EPHB1: variants seen among roughly 807,000 people sequenced by gnomAD.
EPHB1 encodes EPH receptor B1.
A neutral mutation model predicts 94.4 loss-of-function variants in EPHB1; 30 were observed. That is an observed-to-expected ratio of 0.32 (90% confidence interval 0.24 to 0.43). EPHB1 has a LOEUF of 0.43. EPHB1 is among the 20% of genes least tolerant of loss of function. The pLI is 1.00. For synonymous variants in EPHB1, 522 were observed against 489.1 expected, an observed-to-expected ratio of 1.07 and a Z score of -0.89; for missense variants, 1,055 against 1,308.3, an observed-to-expected ratio of 0.81 and a Z score of 2.99.
At chr3:135,001,028 G>A (rs1365043358) in intron 3 of EPHB1, among the ~76,000 whole-genome samples, 1 of 152,128 alleles carries the variant, frequency 6.6e-6, no homozygotes, top group Non-Finnish European at 1.5e-5. Context: ...GGTCTGTTCA[G>A]CTGGCTCGGA....
chr3:134,987,943 AT>A (rs111855033), intron 3 of EPHB1, among the ~76,000 whole-genome samples: 7,620 of 152,010 alleles, frequency 0.05, 633 homozygotes, highest in African/African-American at 0.17. Context: ...CCAGACTGGT[AT>A]TTTTTTTAAT....
chr3:134,973,425 C>CTTTTTTTTT (rs10664147), intron 3 of EPHB1, among the ~76,000 whole-genome samples: 14 of 91,018 alleles, frequency 1.5e-4, no homozygotes, highest in Admixed American at 2.8e-4. Context: ...GTCTTCTAGT[C>CTTTTTTTTT]TTTTTTTTTT....
intron 12 of EPHB1, among the ~76,000 whole-genome samples, chr3:135,227,033 G>A (rs2107722526): frequency 6.6e-6 from 1 of 152,114 alleles, no homozygotes; most frequent in East Asian, 1.9e-4. Context: ...GGGGGACCAG[G>A]GAGACATGGA....
intron 10 of EPHB1, among the ~76,000 whole-genome samples, chr3:135,181,130 A>C (rs1942142062): frequency 6.6e-6 from 1 of 152,164 alleles, no homozygotes; most frequent in Non-Finnish European, 1.5e-5. Context: ...GCCATCTGTG[A>C]AATTGGAAGT....
chr3:134,901,676 G>A (rs374252322), intron 1 of EPHB1, among the ~76,000 whole-genome samples: 110 of 152,336 alleles, frequency 7.2e-4, no homozygotes, highest in African/African-American at 2.6e-3. Flanking sequence ...GAATGGTGGC[G>A]TTCAAGGCAA....
chr3:134,941,770 C>CAA (rs2039122797), intron 2 of EPHB1, among the ~76,000 whole-genome samples: 1 of 151,216 alleles, frequency 6.6e-6, no homozygotes, highest in African/African-American at 2.4e-5. Flanking sequence ...CACACACACA[C>CAA]ACACACACAC....
intron 3 of EPHB1, among the ~76,000 whole-genome samples, chr3:134,956,022 A>ACT (rs145236332): frequency 4.0e-5 from 6 of 149,796 alleles, no homozygotes; most frequent in Admixed American, 6.6e-5. Flanking sequence ...CTCTCAGCAG[A>ACT]CTCTCTCTCT....
chr3:135,001,867 G>C (rs1433618815), intron 3 of EPHB1, among the ~76,000 whole-genome samples: 1 of 152,092 alleles, frequency 6.6e-6, no homozygotes, highest in Non-Finnish European at 1.5e-5. Flanking sequence ...TATTTAACTA[G>C]TCTCCTATTA....
intron 3 of EPHB1, among the ~76,000 whole-genome samples, chr3:134,998,724 C>T (rs1474051155): frequency 6.6e-6 from 1 of 152,170 alleles, no homozygotes; most frequent in Non-Finnish European, 1.5e-5. Context: ...TCTGTCTTTT[C>T]CTCCACCATT....
At chr3:134,881,440 G>A (rs528433242) in intron 1 of EPHB1, among the ~76,000 whole-genome samples, 1 of 152,288 alleles carries the variant, frequency 6.6e-6, no homozygotes, top group African/African-American at 2.4e-5. Flanking sequence ...CTTGAGCGAA[G>A]GTGCCTTAGC....
Position 135,166,935 on chromosome 3 carries a change from T to A in EPHB1, c.1695-7T>A. ...GTGGCTGAGAGAGCCCCTCTTTTTA[T>A]CCACAGGAAACGGGCTTATAGCAAA... is the stretch of plus-strand genomic sequence containing the variant. On this transcript the variant is annotated splice_polypyrimidine_tract_variant and splice_region_variant and intron_variant, in intron 8 of 15. Transcript: ENST00000398015. 8 of 1,613,942 alleles carry A rather than the reference T, an allele frequency of 5.0e-6. No individual in the cohort carries two copies. Among genetic ancestry groups the A allele is most frequent in the Non-Finnish European group, 6.8e-6 (8 of 1,179,904 alleles).
At chr3:135,105,268 C>T (rs1939169041) in intron 3 of EPHB1, among the ~76,000 whole-genome samples, 1 of 152,162 alleles carries the variant, frequency 6.6e-6, no homozygotes, top group Non-Finnish European at 1.5e-5. Flanking sequence ...ATCAAGAGCT[C>T]CTTGAAGGCA....
chr3:134,985,487 A>T (rs528131575), intron 3 of EPHB1, among the ~76,000 whole-genome samples: 2 of 152,320 alleles, frequency 1.3e-5, no homozygotes, highest in African/African-American at 4.8e-5. Flanking sequence ...CAGCAGAGCA[A>T]TTAAAGATGG....
intron 2 of EPHB1, among the ~76,000 whole-genome samples, chr3:134,941,012 T>A (rs771525335): frequency 7.2e-5 from 11 of 152,210 alleles, no homozygotes; most frequent in Non-Finnish European, 1.2e-4. Flanking sequence ...TCTATTCCTG[T>A]CTTAAATAAA....
At chr3:135,178,871 T>G (rs1364537717) in intron 9 of EPHB1, among the ~76,000 whole-genome samples, 1 of 152,214 alleles carries the variant, frequency 6.6e-6, no homozygotes, top group South Asian at 2.1e-4. Context: ...GGCTGTGATA[T>G]CAGACCTTGT....
At chr3:135,040,831 A>AAGG (rs1936809800) in intron 3 of EPHB1, among the ~76,000 whole-genome samples, 1 of 152,230 alleles carries the variant, frequency 6.6e-6, no homozygotes, top group South Asian at 2.1e-4. Flanking sequence ...ATAGCGTGAC[A>AAGG]AGGAGGAGGA....
chr3:135,222,203 A>C (rs2107720571), intron 12 of EPHB1, among the ~76,000 whole-genome samples: 1 of 152,340 alleles, frequency 6.6e-6, no homozygotes, highest in South Asian at 2.1e-4. Flanking sequence ...AGAAGTATGA[A>C]GATTGGATCA....
At chr3:135,099,907 T>G in intron 3 of EPHB1, among the ~76,000 whole-genome samples, 1 of 152,174 alleles carries the variant, frequency 6.6e-6, no homozygotes, top group East Asian at 1.9e-4. Context: ...AACCTCCTTC[T>G]TCCTGGCCAG....
intron 1 of EPHB1, among the ~76,000 whole-genome samples, chr3:134,881,296 A>G (rs1196236761): frequency 6.6e-6 from 1 of 152,050 alleles, no homozygotes; most frequent in Non-Finnish European, 1.5e-5. Flanking sequence ...GGTGTAACAT[A>G]TATGTTGCAG....
Sources: allele counts gnomAD v4.1 joint callset (sites outside exome capture counted in the v4.1 genomes callset), GRCh38; gene constraint gnomAD v4.1.1; transcripts MANE v1.5; gene names NCBI Gene and HGNC (gene_info 2026-07-23, HGNC 2026-07-21).